The following ZMIZ1 variants were observed in gnomAD, a reference collection of about 807,000 sequenced individuals.
ZMIZ1 encodes zinc finger MIZ domain-containing protein 1.
In ZMIZ1, 17 loss-of-function variants were observed where a neutral mutation model predicts 113.9. That is an observed-to-expected ratio of 0.15 (90% CI 0.10 to 0.22). The LOEUF (loss-of-function observed/expected upper bound fraction) is 0.22, where lower values mean the gene tolerates loss of function less well. ZMIZ1 is among the 10% of genes least tolerant of loss of function. The probability of loss-of-function intolerance (pLI) is 1.00; values close to 1 mark genes in which losing one functional copy is unlikely to be tolerated. For synonymous variants in ZMIZ1, 607 were observed against 603.1 expected (o/e 1.01, Z -0.09); for missense variants, 1,059 against 1,477.8 (o/e 0.72, Z 4.65).
rs530799149 is a variant in ZMIZ1 at position 79,201,106 on chromosome 10, G to A, written c.-49-478G>A. ...GCGGATCACCTGAGGTCAGGAGTTCGAGACCAGCCTGGCCAACATGGTGAA... is the reference window on the plus strand; with the variant it reads ...GCGGATCACCTGAGGTCAGGAGTTCAAGACCAGCCTGGCCAACATGGTGAA... On this transcript the variant is annotated intron_variant, in intron 4 of 24. Coordinates refer to ENST00000334512, the MANE Select transcript of ZMIZ1 (RefSeq NM_020338.4). Among the ~76,000 whole-genome samples the A allele has an allele frequency of 1.0e-3, 157 of 152,198 alleles. 1 individual carries two copies. Among genetic ancestry groups the A allele is most frequent in the Middle Eastern group, 0.01 (3 of 294 alleles).
rs1250545578 is a variant in ZMIZ1, at chr10:79,292,355, C to T, written c.956C>T (p.Pro319Leu). ...AACAAGGATATAAACCAGTATGGACCGGTAAGGGTTCCCACTAATCCTGGT... is the reference window on the plus strand; with the variant it reads ...AACAAGGATATAAACCAGTATGGACTGGTAAGGGTTCCCACTAATCCTGGT... ...TQNKDINQYGPMGPTQAYNSQ... is the reference protein window; with the variant it reads ...TQNKDINQYGLMGPTQAYNSQ... The change falls in exon 11 of 25, where the codon CCG becomes CTG. Residue 319 changes from proline to leucine, a missense_variant and splice_region_variant. Around this residue, in one of 6 missense-constraint regions of ZMIZ1, gnomAD observed 83 missense variants for 103.7 expected, o/e 0.80. Transcript: ENST00000334512. 6.2e-7 allele frequency: 1 copy of T among 1,603,568 alleles called. No individual in the cohort carries two copies. Among genetic ancestry groups the T allele is most frequent in the Non-Finnish European group, 8.5e-7 (1 of 1,171,950 alleles).
chr10:79,200,565 C>T (rs1589415153), intron 4 of ZMIZ1, among the ~76,000 whole-genome samples: 1 of 152,256 alleles, frequency 6.6e-6, no homozygotes, highest in Non-Finnish European at 1.5e-5. Flanking sequence ...GTCAGCCTTG[C>T]ACAGTGGAAA....
At chr10:79,291,583 G>T (rs993752361) in intron 10 of ZMIZ1, among the ~76,000 whole-genome samples, 2 of 152,272 alleles carry the variant, frequency 1.3e-5, no homozygotes, top group African/African-American at 4.8e-5. Flanking sequence ...CTGCCTTGCT[G>T]ATTGGTGAAA....
At position 79,277,353 on chromosome 10, in the gene ZMIZ1, G is replaced by A. The variant is rs1215073664; in HGVS notation, c.425+28G>A. 1.9e-6 allele frequency: 3 copies of A among 1,557,172 alleles called. No homozygotes were observed. In the East Asian group the frequency reaches 7.4e-5, roughly 38 times the overall value. ...AAGTGGGTGGGTGCCATGGGTGCAG[G>A]TACTGAGCAGACACCCCTCTGGTCT... On this transcript the variant is annotated intron_variant, in intron 8 of 24. Coordinates refer to ENST00000334512, the MANE Select transcript of ZMIZ1 (RefSeq NM_020338.4).
At chr10:79,256,718 C>A (rs541461645) in intron 7 of ZMIZ1, among the ~76,000 whole-genome samples, 20 of 152,196 alleles carry the variant, frequency 1.3e-4, no homozygotes, top group Non-Finnish European at 2.4e-4. Flanking sequence ...GAGGTGATTT[C>A]TCTCCAGGGT....
chr10:79,156,158 G>A (rs1589350021), intron 3 of ZMIZ1, among the ~76,000 whole-genome samples: 1 of 148,212 alleles, frequency 6.7e-6, no homozygotes, highest in East Asian at 2.0e-4. Flanking sequence ...ATAAAGAAAT[G>A]AATGAATGAA....
chr10:79,251,573 C>T (rs1016807848), intron 7 of ZMIZ1, among the ~76,000 whole-genome samples: 6 of 152,142 alleles, frequency 3.9e-5, no homozygotes, highest in Non-Finnish European at 5.9e-5. Flanking sequence ...GCATGAGCCC[C>T]GAACTGGTAG....
At chr10:79,090,901 C>T (rs1279253069) in intron 1 of ZMIZ1, among the ~76,000 whole-genome samples, 1 of 152,218 alleles carries the variant, frequency 6.6e-6, no homozygotes, top group African/African-American at 2.4e-5. Flanking sequence ...ACACTGGCCT[C>T]ATCGCCAGGT....
chr10:79,238,336 A>G (rs1589462701), intron 7 of ZMIZ1, among the ~76,000 whole-genome samples: 1 of 152,210 alleles, frequency 6.6e-6, no homozygotes, highest in Non-Finnish European at 1.5e-5. Context: ...CTGGGAATGC[A>G]GCCTGGGTCC....
chr10:79,077,552 C>T (rs541554330), intron 1 of ZMIZ1, among the ~76,000 whole-genome samples: 1 of 152,300 alleles, frequency 6.6e-6, no homozygotes, highest in African/African-American at 2.4e-5. Context: ...TTTGGTGTTC[C>T]TGCTGTTGTT....
At chr10:79,289,632 G>C in intron 8 of ZMIZ1, 143 bp from the exon 9 acceptor site, 1 of 690,206 alleles carries the variant, frequency 1.4e-6, no homozygotes, top group Non-Finnish European at 2.5e-6. Context: ...ACTGAGACAG[G>C]CCTGGGGGGT....
chr10:79,174,206 G>A (rs1314695949), intron 4 of ZMIZ1, among the ~76,000 whole-genome samples: 2 of 152,166 alleles, frequency 1.3e-5, no homozygotes, highest in Non-Finnish European at 2.9e-5. Flanking sequence ...GCAGCTTGGA[G>A]CCCTTCTCAG....
At chr10:79,268,001 T>C (rs1012083238) in intron 7 of ZMIZ1, among the ~76,000 whole-genome samples, 2 of 152,206 alleles carry the variant, frequency 1.3e-5, no homozygotes, top group African/African-American at 2.4e-5. Context: ...CCCATTGCCT[T>C]GAACTCCCAG....
At chr10:79,174,659 A>T (rs1208111073) in intron 4 of ZMIZ1, among the ~76,000 whole-genome samples, 1 of 152,200 alleles carries the variant, frequency 6.6e-6, no homozygotes, top group East Asian at 1.9e-4. Flanking sequence ...GGTCTTTAAA[A>T]TCCAAGCCCA....
chr10:79,193,712 A>C (rs1847706468), intron 4 of ZMIZ1, among the ~76,000 whole-genome samples: 1 of 152,186 alleles, frequency 6.6e-6, no homozygotes, highest in Non-Finnish European at 1.5e-5. Flanking sequence ...AAACCAAGAA[A>C]GAGCACGAAA....
In ZMIZ1 at chr10:79,188,058, A is replaced by G. The variant is rs546996949; in HGVS notation, c.-49-13526A>G. ...ACTCATTCATTCTACCTTCGGCTAT[A>G]TTGTTATAAAGATAATTCACATAAA... On this transcript the variant is annotated intron_variant, in intron 4 of 24. Transcript: ENST00000334512. Among the ~76,000 whole-genome samples, 9 of 152,292 alleles carry G rather than the reference A, an allele frequency of 5.9e-5. No homozygotes were observed. In the South Asian group the frequency reaches 1.9e-3, roughly 32 times the overall value.
At chr10:79,144,840 A>G (rs535098467) in intron 3 of ZMIZ1, among the ~76,000 whole-genome samples, 14 of 151,914 alleles carry the variant, frequency 9.2e-5, no homozygotes, top group African/African-American at 1.5e-4. Flanking sequence ...TAGGTATTCA[A>G]TGTTCGGTGG....
intron 9 of ZMIZ1, chr10:79,290,750 C>T (rs907242802): frequency 5.7e-6 from 4 of 706,388 alleles, no homozygotes; most frequent in African/African-American, 3.5e-5. Context: ...ACAAGGCTGA[C>T]GTTCTCATCC....
chr10:79,194,370 T>C (rs946227502), intron 4 of ZMIZ1, among the ~76,000 whole-genome samples: 14 of 152,254 alleles, frequency 9.2e-5, no homozygotes, highest in African/African-American at 3.4e-4. Context: ...GTGCATTATG[T>C]GGACTGATGA....
Sources: gnomAD v4.1 joint callset for allele counts (sites outside exome capture counted in the v4.1 genomes callset) on GRCh38, gnomAD v4.1.1 for gene constraint, gnomAD v4.1.1 regional missense constraint, MANE v1.5 for transcripts, NCBI Gene and HGNC (gene_info 2026-07-23, HGNC 2026-07-21) for gene names.